C8orf34: variants seen among roughly 807,000 people sequenced by gnomAD.
The protein encoded by C8orf34 is chromosome 8 open reading frame 34.
A neutral mutation model predicts 68.3 loss-of-function variants in C8orf34; 65 were observed. The observed-to-expected ratio is 0.95, with a 90% CI of 0.78 to 1.17. The LOEUF (loss-of-function observed/expected upper bound fraction) is 1.17. Ranked by LOEUF, C8orf34 falls within the 50% of genes most tolerant of loss-of-function variation. The pLI is 0.00. For missense variants in C8orf34, 664 were observed against 655.4 expected (o/e 1.01, Z -0.14); for synonymous variants, 244 against 241.2 (o/e 1.01, Z -0.11).
At chr8:68,448,511 T>G (rs555640436) in intron 3 of C8orf34, among the ~76,000 whole-genome samples, 2 of 152,272 alleles carry the variant, frequency 1.3e-5, no homozygotes, top group African/African-American at 4.8e-5. Flanking sequence ...TTTTCATCTC[T>G]AAAGCATCAC....
At chr8:68,721,248 T>C in intron 9 of C8orf34, 113 bp from the exon 10 acceptor site, 1 of 676,298 alleles carries the variant, frequency 1.5e-6, no homozygotes. Flanking sequence ...AACACTATGA[T>C]TTTTTCAACA....
intron 1 of C8orf34, among the ~76,000 whole-genome samples, chr8:68,351,231 T>A (rs1348130003): frequency 6.6e-6 from 1 of 152,046 alleles, no homozygotes; most frequent in Admixed American, 6.6e-5. Flanking sequence ...TTAGTTTGGC[T>A]GGATATAGGA....
At chr8:68,539,830 G>T (rs1217212604) in intron 7 of C8orf34, among the ~76,000 whole-genome samples, 1 of 151,758 alleles carries the variant, frequency 6.6e-6, no homozygotes, top group African/African-American at 2.4e-5. Flanking sequence ...CTCCACCCTG[G>T]GCAACAGAGT....
At chr8:68,632,183 G>A (rs1040828115) in intron 7 of C8orf34, among the ~76,000 whole-genome samples, 2 of 152,190 alleles carry the variant, frequency 1.3e-5, no homozygotes, top group African/African-American at 2.4e-5. Flanking sequence ...GGTGGTGTCA[G>A]ATGGAGATGA....
At chr8:68,575,830 C>T (rs1261098810) in intron 7 of C8orf34, among the ~76,000 whole-genome samples, 1 of 151,868 alleles carries the variant, frequency 6.6e-6, no homozygotes, top group Non-Finnish European at 1.5e-5. Flanking sequence ...TTATCATTGG[C>T]TCCTAGTGAC....
Position 68,516,622 on chromosome 8 carries a change from A to G in C8orf34, c.766-5177A>G, listed in dbSNP as rs1814528052. Among the ~76,000 whole-genome samples, 3 of 150,580 alleles carry G rather than the reference A, an allele frequency of 2.0e-5. No homozygotes were observed. In the South Asian group the frequency reaches 6.3e-4, roughly 31 times the overall value. ...GAGAGAATTTTTGACTGGGAATGCTATTTATTTATTTATTTATTTATTTAT... is the reference window on the plus strand; with the variant it reads ...GAGAGAATTTTTGACTGGGAATGCTGTTTATTTATTTATTTATTTATTTAT... On this transcript the variant is annotated intron_variant, in intron 5 of 13. Coordinates refer to ENST00000518698, the MANE Select transcript of C8orf34 (RefSeq NM_052958.4).
chr8:68,726,441 A>G (rs1230952499), intron 10 of C8orf34, among the ~76,000 whole-genome samples: 1 of 152,190 alleles, frequency 6.6e-6, no homozygotes, highest in Non-Finnish European at 1.5e-5. Flanking sequence ...GCAAAAGGGA[A>G]AAATGTATGT....
intron 8 of C8orf34, among the ~76,000 whole-genome samples, chr8:68,658,023 C>CTTTATGAGCCCTTCTAA (rs1411075451): frequency 6.6e-6 from 1 of 152,154 alleles, no homozygotes; most frequent in Admixed American, 6.5e-5. Context: ...TCTTTATGAG[C>CTTTATGAGCCCTTCTAA]AAGAAGGGCA....
At chr8:68,440,173 T>A (rs1235836493) in intron 2 of C8orf34, among the ~76,000 whole-genome samples, 1 of 152,208 alleles carries the variant, frequency 6.6e-6, no homozygotes, top group Non-Finnish European at 1.5e-5. Context: ...TAAACACTAG[T>A]GAAAGAATTG....
intron 7 of C8orf34, among the ~76,000 whole-genome samples, chr8:68,638,823 C>A (rs1818920787): frequency 6.6e-6 from 1 of 152,046 alleles, no homozygotes; most frequent in Non-Finnish European, 1.5e-5. Flanking sequence ...GCATACTCTG[C>A]TTGATAACCT....
intron 8 of C8orf34, among the ~76,000 whole-genome samples, chr8:68,674,043 C>G (rs1007547048): frequency 3.9e-5 from 6 of 152,152 alleles, no homozygotes; most frequent in African/African-American, 1.4e-4. Flanking sequence ...GGTGGTACCT[C>G]TATGAGTCTG....
At chr8:68,589,426 A>G (rs1375463860) in intron 7 of C8orf34, among the ~76,000 whole-genome samples, 1 of 148,620 alleles carries the variant, frequency 6.7e-6, no homozygotes, top group Non-Finnish European at 1.5e-5. Context: ...GTGGGAGAGA[A>G]AATAAAAGAA....
chr8:68,530,364 C>T (rs1010440245), intron 6 of C8orf34, among the ~76,000 whole-genome samples: 1 of 151,906 alleles, frequency 6.6e-6, no homozygotes, highest in African/African-American at 2.4e-5. Context: ...TATCTATATC[C>T]CTTCTAGTAG....
chr8:68,667,176 T>C (rs1443317191), intron 8 of C8orf34, among the ~76,000 whole-genome samples: 2 of 152,198 alleles, frequency 1.3e-5, no homozygotes, highest in Non-Finnish European at 2.9e-5. Context: ...AACAATGAAG[T>C]CAAAGAGTTT....
intron 3 of C8orf34, among the ~76,000 whole-genome samples, chr8:68,456,015 G>A (rs902735495): frequency 1.3e-5 from 2 of 151,592 alleles, no homozygotes; most frequent in African/African-American, 4.8e-5. Context: ...GGAGGTGGAG[G>A]CAGGTGGATC....
At chr8:68,730,671 A>G (rs1821955615) in intron 10 of C8orf34, among the ~76,000 whole-genome samples, 1 of 152,108 alleles carries the variant, frequency 6.6e-6, no homozygotes, top group Admixed American at 6.6e-5. Context: ...AATTAATTCA[A>G]TCCCTTAACA....
chr8:68,575,002 T>A (rs1449567476), intron 7 of C8orf34, among the ~76,000 whole-genome samples: 1 of 151,968 alleles, frequency 6.6e-6, no homozygotes, highest in African/African-American at 2.4e-5. Flanking sequence ...GAAATTTTAA[T>A]AAATATTAAT....
intron 7 of C8orf34, among the ~76,000 whole-genome samples, chr8:68,590,688 T>C (rs1364979926): frequency 6.6e-6 from 1 of 152,210 alleles, no homozygotes; most frequent in Non-Finnish European, 1.5e-5. Context: ...AGTCTGAGTC[T>C]ATCTAATCAG....
At chr8:68,532,461 C>T (rs1052265303) in intron 6 of C8orf34, among the ~76,000 whole-genome samples, 12 of 152,104 alleles carry the variant, frequency 7.9e-5, no homozygotes, top group African/African-American at 2.9e-4. Flanking sequence ...AAGAGATAGA[C>T]TCAAAAGCAC....
Sources: gnomAD v4.1 joint callset for allele counts (sites outside exome capture counted in the v4.1 genomes callset) on GRCh38, gnomAD v4.1.1 for gene constraint, MANE v1.5 for transcripts, NCBI Gene and HGNC (gene_info 2026-07-23, HGNC 2026-07-21) for gene names.